ANO5: variants seen among roughly 807,000 people sequenced by gnomAD.
ANO5 encodes anoctamin 5.
A neutral mutation model predicts 121.0 loss-of-function variants in ANO5; 109 were observed. The observed-to-expected ratio is 0.90, with a 90% CI of 0.77 to 1.06. ANO5 has a LOEUF of 1.06. Among genes scored for constraint, ANO5 ranks in the 50% least tolerant of loss-of-function variants. ANO5 has a pLI of 0.00. For synonymous variants in ANO5, 406 were observed against 359.9 expected, an observed-to-expected ratio of 1.13 and a Z score of -1.45; for missense variants, 1,064 against 1,078.5, an observed-to-expected ratio of 0.99 and a Z score of 0.19.
Position 22,282,769 on chromosome 11 carries a change from G to A in ANO5, c.*3004G>A, listed in dbSNP as rs544278315. The A allele has an allele frequency of 6.6e-6, 1 of 152,256 alleles. No individual in the cohort carries two copies. The highest frequency in any genetic ancestry group is 2.4e-5 in the African/African-American group (1 of 41,556). The allele number at this position is 152,256 out of a possible 1,614,324, so 9.4% of individuals were successfully genotyped here. ...GTGTTGGGTGCTATGAGTAGGTATG[G>A]ATCTCTGTTGATTGACTCCAGTTGA... is the stretch of plus-strand genomic sequence containing the variant. On this transcript the variant is annotated 3_prime_UTR_variant, in exon 22 of 22. Coordinates refer to ENST00000324559, the MANE Select transcript of ANO5 (RefSeq NM_213599.3).
chr11:22,208,265 A>G (rs1051070507), intron 2 of ANO5, among the ~76,000 whole-genome samples: 3 of 152,080 alleles, frequency 2.0e-5, no homozygotes, highest in African/African-American at 7.2e-5. Flanking sequence ...AGTAGCCGAA[A>G]GTGGAAACAA....
chr11:22,226,039 T>C lies in ANO5; in HGVS notation c.350T>C (p.Ile117Thr). ...AGAAAAACAGGTCTTGAGTTGGAAA[T>C]AGAAGACAAAAGGGTAAATGTAGTT... Reference protein sequence around the residue: ...NLRKTGLELEIEDKRDSEDGR... With the variant: ...NLRKTGLELETEDKRDSEDGR... Residue 117 changes from isoleucine (I) to threonine (T), a missense_variant, in exon 6 of 22, where the codon ATA (isoleucine) becomes ACA (threonine). By Grantham distance (89) the Ile-to-Thr change is moderately conservative. Transcript: ENST00000324559. The C allele has an allele frequency of 6.2e-7, 1 of 1,607,284 alleles. No individual in the cohort carries two copies. Among genetic ancestry groups the C allele is most frequent in the Non-Finnish European group, 8.5e-7 (1 of 1,174,368 alleles).
Position 22,239,616 on chromosome 11 carries a change from A to G in ANO5, c.810A>G (p.Arg270=), listed in dbSNP as rs1853357592. The change falls in exon 9 of 22, where the codon AGA becomes AGG. Residue 270 remains arginine, a synonymous_variant. Transcript: ENST00000324559. ...AACCTCCCAATCCTACCAATGAAAG[A>G]TACACACTTCACCAGAATTGGGCTC... ...PSEPPNPTNE[R]YTLHQNWARF... is the part of the protein sequence containing the mutation. 2.5e-6 allele frequency: 4 copies of G among 1,612,900 alleles called. No individual in the cohort carries two copies. Among genetic ancestry groups the G allele is most frequent in the Admixed American group, 1.7e-5 (1 of 59,932 alleles).
upstream of ANO5, chr11:22,193,039 C>T (rs1851694521): frequency 2.0e-6 from 2 of 1,018,286 alleles, no homozygotes; most frequent in Non-Finnish European, 2.4e-6. Flanking sequence ...GGCGTGGAAA[C>T]AGGGACGCAG....
At position 22,271,222 on chromosome 11, in the gene ANO5, A is replaced by C. The variant is rs148870595; in HGVS notation, c.2029+780A>C. ...AGGTGCGTGCCATCACGCCCGGCTA[A>C]TTTTTGTATTTTTAGTAGAGTCGGG... On this transcript the variant is annotated intron_variant, in intron 18 of 21. Coordinates refer to ENST00000324559, the MANE Select transcript of ANO5 (RefSeq NM_213599.3). 2.7e-3 allele frequency among the ~76,000 whole-genome samples: 408 copies of C among 152,148 alleles called. 2 individuals are homozygous for C. The highest frequency in any genetic ancestry group is 9.2e-3 in the African/African-American group (381 of 41,534).
At chr11:22,251,574 A>G (rs746776329) in intron 12 of ANO5, among the ~76,000 whole-genome samples, 1 of 152,170 alleles carries the variant, frequency 6.6e-6, no homozygotes, top group African/African-American at 2.4e-5. Context: ...TTTTCCTATC[A>G]TCAGCAAGGA....
At position 22,274,713 on chromosome 11, in the gene ANO5, G is replaced by A. The variant is rs2133795162; in HGVS notation, c.2380G>A (p.Ala794Thr). The A allele has an allele frequency of 3.7e-6, 6 of 1,613,352 alleles. No individual in the cohort carries two copies. The change falls in exon 20 of 22, where the codon GCA becomes ACA. Residue 794 changes from alanine to threonine, a missense_variant. Physicochemically the swap from Ala to Thr is moderately conservative, Grantham distance 58. Transcript: ENST00000324559. ...GATAGCTGATTTTCCAAACCACACT[G>A]CACCTTCGGAAAAACGAGACTTCAT... is the stretch of plus-strand genomic sequence containing the variant. ...FLIADFPNHT[A>T]PSEKRDFITC...
At chr11:22,256,930 C>T (rs144168927) in intron 13 of ANO5, among the ~76,000 whole-genome samples, 1 of 152,132 alleles carries the variant, frequency 6.6e-6, no homozygotes, top group Admixed American at 6.6e-5. Flanking sequence ...CCTACATGCA[C>T]ACACATTCTG....
At chr11:22,195,483 C>T (rs1354871012) in intron 1 of ANO5, among the ~76,000 whole-genome samples, 1 of 152,044 alleles carries the variant, frequency 6.6e-6, no homozygotes, top group East Asian at 1.9e-4. Context: ...GGCTGTAATG[C>T]AGGGGCATCA....
chr11:22,274,192 A>C lies in ANO5; in HGVS notation c.2236-377A>C, dbSNP rs7937759. On this transcript the variant is annotated intron_variant, in intron 19 of 21. Coordinates refer to ENST00000324559, the MANE Select transcript of ANO5 (RefSeq NM_213599.3). ...CACACACACACACACACACACACAC[A>C]CCCGCAGTCCTACCTCATTGAGTTA... Among the ~76,000 whole-genome samples, 423 of 146,352 alleles carry C rather than the reference A, an allele frequency of 2.9e-3. 3 individuals carry two copies. Among genetic ancestry groups the C allele is most frequent in the African/African-American group, 7.6e-3 (284 of 37,216 alleles).
chr11:22,265,301 G>A (rs1303490962), intron 17 of ANO5, among the ~76,000 whole-genome samples: 1 of 152,076 alleles, frequency 6.6e-6, no homozygotes, highest in Non-Finnish European at 1.5e-5. Flanking sequence ...AAAAGATAAT[G>A]TTTTCAAGGT....
At position 22,262,210 on chromosome 11, in the gene ANO5, C is replaced by T. The variant is rs1358754039; in HGVS notation, c.1712C>T (p.Ser571Phe). The T allele has an allele frequency of 4.3e-6, 7 of 1,613,762 alleles. No homozygotes were observed. In the African/African-American group the frequency reaches 6.7e-5, roughly 15 times the overall value. The part of the protein sequence containing the change: ...FLFQFVNFYS[S>F]CFYVAFFKGK... ...TTTCAGTTTGTAAATTTTTACTCAT[C>T]CTGCTTCTACGTAGCTTTCTTTAAA... The change falls in exon 16 of 22, where the codon TCC (serine) becomes TTC (phenylalanine). Residue 571 changes from serine to phenylalanine, a missense_variant. Coordinates refer to ENST00000324559, the MANE Select transcript of ANO5 (RefSeq NM_213599.3).
chr11:22,271,121 C>T (rs760179177), intron 18 of ANO5, among the ~76,000 whole-genome samples: 24 of 152,168 alleles, frequency 1.6e-4, no homozygotes, highest in Non-Finnish European at 2.8e-4. Flanking sequence ...TGCCCAATCT[C>T]GGCTCACTGC....
chr11:22,242,189 G>T (rs553766690), intron 9 of ANO5, among the ~76,000 whole-genome samples: 1 of 152,132 alleles, frequency 6.6e-6, no homozygotes, highest in African/African-American at 2.4e-5. Context: ...TTGAAGACCA[G>T]ATGGTGGGAG....
intron 21 of ANO5, among the ~76,000 whole-genome samples, chr11:22,278,770 GC>G (rs1181517004): frequency 6.6e-6 from 1 of 151,566 alleles, no homozygotes; most frequent in Non-Finnish European, 1.5e-5. Context: ...CCCAGAGAAA[GC>G]CCTTTATAGC....
chr11:22,259,974 C>G (rs965081525), intron 15 of ANO5, among the ~76,000 whole-genome samples: 1 of 150,416 alleles, frequency 6.6e-6, no homozygotes, highest in Admixed American at 6.6e-5. Flanking sequence ...AATTCTGACT[C>G]TATATATCTT....
At chr11:22,202,920 T>C (rs1337559656) in intron 1 of ANO5, among the ~76,000 whole-genome samples, 1 of 152,166 alleles carries the variant, frequency 6.6e-6, no homozygotes, top group Admixed American at 6.5e-5. Context: ...ATTACATCTG[T>C]AAAGACTACA....
At chr11:22,251,576 C>T (rs1235731342) in intron 12 of ANO5, among the ~76,000 whole-genome samples, 1 of 152,140 alleles carries the variant, frequency 6.6e-6, no homozygotes, top group Non-Finnish European at 1.5e-5. Flanking sequence ...TTCCTATCAT[C>T]AGCAAGGAAA....
rs1221687196 is a variant in ANO5, at chr11:22,255,536, CTG to C, written c.1332+17_1332+18del. 1.2e-6 allele frequency: 2 copies of C among 1,612,266 alleles called. No homozygotes were observed. The highest frequency in any genetic ancestry group is 2.2e-5 in the South Asian group (2 of 91,030). On this transcript the variant is annotated intron_variant, in intron 13 of 21. Transcript: ENST00000324559. ...GCAGTGACTAAGGTAGACTAGAAAA[CTG>C]TGAAACGGACAGCATATCTCAATGG...
Sources: gnomAD v4.1 joint callset for allele counts (sites outside exome capture counted in the v4.1 genomes callset) on GRCh38, gnomAD v4.1.1 for gene constraint, MANE v1.5 for transcripts, NCBI Gene and HGNC (gene_info 2026-07-23, HGNC 2026-07-21) for gene names.